Variants in SLC4A4 observed in about 807,000 individuals in gnomAD.
SLC4A4 encodes solute carrier family 4 member 4.
A neutral mutation model predicts 111.5 loss-of-function variants in SLC4A4; 27 were observed. The observed-to-expected ratio is 0.24, with a 90% CI of 0.18 to 0.33. The LOEUF is 0.33. Among genes scored for constraint, SLC4A4 ranks in the 10% least tolerant of loss-of-function variants. The pLI is 1.00. For synonymous variants in SLC4A4, 443 were observed against 463.4 expected, an observed-to-expected ratio of 0.96 and a Z score of 0.57; for missense variants, 909 against 1,315.5, an observed-to-expected ratio of 0.69 and a Z score of 4.78.
intron 12 of SLC4A4, among the ~76,000 whole-genome samples, chr4:71,464,067 G>A (rs899867234): frequency 2.0e-5 from 3 of 152,136 alleles, no homozygotes; most frequent in African/African-American, 7.2e-5. Context: ...GCCACAGGAA[G>A]CATTCAAGCT....
rs1201301947 is a variant in SLC4A4, at chr4:71,423,175, G to A, written c.808-17441G>A. Among the ~76,000 whole-genome samples the A allele has an allele frequency of 2.0e-5, 3 of 152,264 alleles. No individual in the cohort carries two copies. The East Asian group carries it at 5.8e-4, about 29-fold the overall frequency. ...CAAAGTCAATGTACAAAAATCACAA[G>A]CGTTCTTATACACCAATAACAGACA... On this transcript the variant is annotated intron_variant, in intron 7 of 25. Transcript: ENST00000264485.
chr4:71,089,407 A>G (rs1182836518), intron 1 of SLC4A4, among the ~76,000 whole-genome samples: 1 of 151,964 alleles, frequency 6.6e-6, no homozygotes, highest in Non-Finnish European at 1.5e-5. Flanking sequence ...CGTCAAAGTC[A>G]TTCTCTGTCC....
chr4:71,368,234 G>A (rs1731511798), intron 6 of SLC4A4, among the ~76,000 whole-genome samples: 1 of 152,170 alleles, frequency 6.6e-6, no homozygotes, highest in Non-Finnish European at 1.5e-5. Flanking sequence ...TCCTCCAGGT[G>A]ATAAAATGTA....
At chr4:71,148,031 C>T (rs1238583149) in intron 2 of SLC4A4, among the ~76,000 whole-genome samples, 4 of 152,102 alleles carry the variant, frequency 2.6e-5, no homozygotes, top group Non-Finnish European at 4.4e-5. Context: ...ACTAGATTCA[C>T]AAACTTATTT....
chr4:71,277,817 A>G (rs931419225), intron 3 of SLC4A4, among the ~76,000 whole-genome samples: 1 of 152,092 alleles, frequency 6.6e-6, no homozygotes, highest in African/African-American at 2.4e-5. Context: ...ATTGAGGTAT[A>G]GTTAACAAAT....
At chr4:71,268,085 T>TTTTG (rs1553970760) in intron 3 of SLC4A4, among the ~76,000 whole-genome samples, 2 of 147,264 alleles carry the variant, frequency 1.4e-5, no homozygotes, top group Admixed American at 6.8e-5. Context: ...GTTTTTTTTT[T>TTTTG]TTTTTTTTTT....
chr4:71,164,197 A>G (rs1744678773), intron 2 of SLC4A4, among the ~76,000 whole-genome samples: 2 of 152,186 alleles, frequency 1.3e-5, no homozygotes, highest in South Asian at 4.1e-4. Context: ...CCTGGCCAAC[A>G]TGGTGAAACC....
intron 13 of SLC4A4, among the ~76,000 whole-genome samples, chr4:71,471,476 A>C (rs1560537448): frequency 6.6e-6 from 1 of 151,880 alleles, no homozygotes; most frequent in Non-Finnish European, 1.5e-5. Flanking sequence ...TGGTGCTGGT[A>C]GAGGTGGAGA....
intron 1 of SLC4A4, among the ~76,000 whole-genome samples, chr4:71,206,003 C>G (rs190054559): frequency 1.3e-5 from 2 of 152,240 alleles, no homozygotes; most frequent in Admixed American, 6.5e-5. Flanking sequence ...GCTTTGATAG[C>G]CTTTTTGTGG....
At chr4:71,248,229 G>GA (rs752953922) in intron 2 of SLC4A4, among the ~76,000 whole-genome samples, 4 of 152,170 alleles carry the variant, frequency 2.6e-5, no homozygotes, top group Admixed American at 6.5e-5. Context: ...GTGGGAATGA[G>GA]AAAAAACTGT....
In SLC4A4 at chr4:71,201,371, A is replaced by G. The variant is rs569606599; in HGVS notation, c.-2+13970A>G. On this transcript the variant is annotated intron_variant, in intron 1 of 25. Transcript: ENST00000264485. ...GGAGAGGGGTGTGACCTTGGGTCAG[A>G]CGGCTCTCTTTGGCTAAGGTAATTT... Among the ~76,000 whole-genome samples, 7 of 152,296 alleles carry G rather than the reference A, an allele frequency of 4.6e-5. 1 individual carries two copies. The East Asian group carries it at 1.2e-3, about 25-fold the overall frequency.
In SLC4A4 at chr4:71,089,213, G is replaced by A. The variant is rs141621820; in HGVS notation, c.-64-3517G>A. On this transcript the variant is annotated intron_variant, in intron 1 of 26. Transcript: ENST00000649996. ...ATCGGCTACTGAGGGTTGTGCATTC[G>A]TCACATAGTTTTGTGCCATGGTTTT... Among the ~76,000 whole-genome samples, 1,457 of 151,998 alleles carry A rather than the reference G, an allele frequency of 9.6e-3. 10 individuals are homozygous for A. Among genetic ancestry groups the A allele is most frequent in the Non-Finnish European group, 0.012 (838 of 68,018 alleles).
At chr4:71,238,336 C>T (rs1351776286) in intron 2 of SLC4A4, among the ~76,000 whole-genome samples, 1 of 152,092 alleles carries the variant, frequency 6.6e-6, no homozygotes, top group Non-Finnish European at 1.5e-5. Context: ...AAGTGCGTTT[C>T]CTGAACTATT....
At chr4:71,563,677 G>T in intron 23 of SLC4A4, 116 bp from the exon 24 acceptor site, 1 of 747,850 alleles carries the variant, frequency 1.3e-6, no homozygotes. Context: ...TAATTATAAG[G>T]CTTTTCTCCT....
intron 3 of SLC4A4, among the ~76,000 whole-genome samples, chr4:71,324,131 C>T (rs762501552): frequency 2.6e-5 from 4 of 151,836 alleles, no homozygotes; most frequent in Non-Finnish European, 5.9e-5. Flanking sequence ...ATGCAGATGG[C>T]GCAATTGGGT....
At chr4:71,545,533 T>C (rs1735444514) in intron 18 of SLC4A4, among the ~76,000 whole-genome samples, 1 of 152,028 alleles carries the variant, frequency 6.6e-6, no homozygotes, top group South Asian at 2.1e-4. Flanking sequence ...TAGAATAACA[T>C]TGCGGACACA....
chr4:71,249,585 G>T (rs1245053615), intron 2 of SLC4A4, among the ~76,000 whole-genome samples: 2 of 152,050 alleles, frequency 1.3e-5, no homozygotes, highest in Non-Finnish European at 2.9e-5. Flanking sequence ...AGAATAATAA[G>T]CTAACAAATT....
chr4:71,108,668 T>C (rs1382177966), intron 2 of SLC4A4, among the ~76,000 whole-genome samples: 1 of 152,166 alleles, frequency 6.6e-6, no homozygotes, highest in Non-Finnish European at 1.5e-5. Context: ...TGGATGTTTA[T>C]ATTCATATAT....
chr4:71,384,917 T>C (rs1578976288), intron 6 of SLC4A4, among the ~76,000 whole-genome samples: 1 of 151,404 alleles, frequency 6.6e-6, no homozygotes, highest in East Asian at 1.9e-4. Flanking sequence ...TTAGGAGAAA[T>C]ACCTAATGTA....
Sources: allele counts gnomAD v4.1 joint callset (sites outside exome capture counted in the v4.1 genomes callset), GRCh38; gene constraint gnomAD v4.1.1; transcripts MANE v1.5; gene names NCBI Gene and HGNC (gene_info 2026-07-23, HGNC 2026-07-21).